KHDRBS3: variants seen among roughly 807,000 people sequenced by gnomAD.
KHDRBS3 encodes KH RNA binding domain containing, signal transduction associated 3.
KHDRBS3 carries 23 observed loss-of-function variants against 45.6 expected under a neutral mutation model. That is an observed-to-expected ratio of 0.50 (90% CI 0.36 to 0.72). The LOEUF (loss-of-function observed/expected upper bound fraction) is 0.72. KHDRBS3 is among the 30% of genes least tolerant of loss of function. KHDRBS3 has a pLI of 0.00. For synonymous variants in KHDRBS3, 162 were observed against 156.5 expected (o/e 1.04, Z -0.26); for missense variants, 352 against 424.8 (o/e 0.83, Z 1.51).
chr8:135,524,081 C>A (rs910899334), intron 2 of KHDRBS3, among the ~76,000 whole-genome samples: 1 of 151,948 alleles, frequency 6.6e-6, no homozygotes, highest in African/African-American at 2.4e-5. Flanking sequence ...AGTCACGCGA[C>A]CTTGACTCAC....
chr8:135,569,954 A>C (rs1209711056), intron 5 of KHDRBS3, among the ~76,000 whole-genome samples: 1 of 151,998 alleles, frequency 6.6e-6, no homozygotes, highest in African/African-American at 2.4e-5. Flanking sequence ...AAAACAAAAA[A>C]CAAAACCTCT....
intron 1 of KHDRBS3, among the ~76,000 whole-genome samples, chr8:135,485,404 A>G (rs1346681137): frequency 6.6e-6 from 1 of 152,180 alleles, no homozygotes; most frequent in Admixed American, 6.5e-5. Context: ...TCTACACGGT[A>G]GAGAAGGACA....
At chr8:135,484,608 G>C (rs1167519166) in intron 1 of KHDRBS3, among the ~76,000 whole-genome samples, 2 of 152,184 alleles carry the variant, frequency 1.3e-5, no homozygotes, top group African/African-American at 4.8e-5. Context: ...ACTCTCTACT[G>C]CAAAGTGAAC....
At chr8:135,608,209 T>C (rs1829553348) in intron 7 of KHDRBS3, among the ~76,000 whole-genome samples, 1 of 152,174 alleles carries the variant, frequency 6.6e-6, no homozygotes, top group Non-Finnish European at 1.5e-5. Flanking sequence ...TTGCCAGAAA[T>C]TGCACAGAAA....
intron 7 of KHDRBS3, among the ~76,000 whole-genome samples, chr8:135,627,479 C>T (rs895436159): frequency 6.6e-6 from 1 of 152,166 alleles, no homozygotes; most frequent in African/African-American, 2.4e-5. Context: ...ACCCAATCCC[C>T]AGCCTTATAA....
chr8:135,552,120 TGTTTATCCTATTTG>T (rs1826633357), intron 4 of KHDRBS3, among the ~76,000 whole-genome samples: 2 of 152,214 alleles, frequency 1.3e-5, no homozygotes, highest in Non-Finnish European at 2.9e-5. Context: ...GTGTGATGTA[TGTTTATCCTATTTG>T]TTGGCTAAGC....
At chr8:135,646,597 G>A (rs1194133965) in intron 8 of KHDRBS3, among the ~76,000 whole-genome samples, 1 of 152,064 alleles carries the variant, frequency 6.6e-6, no homozygotes, top group Non-Finnish European at 1.5e-5. Flanking sequence ...TGTTTTTGCT[G>A]TTGGAAGACA....
At chr8:135,486,428 A>G (rs1822868956) in intron 1 of KHDRBS3, among the ~76,000 whole-genome samples, 1 of 152,238 alleles carries the variant, frequency 6.6e-6, no homozygotes, top group East Asian at 1.9e-4. Context: ...CAGTTCTTGG[A>G]TAAAGGGGAG....
intron 7 of KHDRBS3, among the ~76,000 whole-genome samples, chr8:135,632,607 C>T (rs915004624): frequency 2.0e-5 from 3 of 152,058 alleles, no homozygotes; most frequent in African/African-American, 7.2e-5. Flanking sequence ...ACTCTCCCTG[C>T]CCTGAAAGCT....
At chr8:135,608,011 A>G (rs1829542819) in intron 7 of KHDRBS3, among the ~76,000 whole-genome samples, 1 of 152,180 alleles carries the variant, frequency 6.6e-6, no homozygotes, top group African/African-American at 2.4e-5. Flanking sequence ...AAGCCTGTAT[A>G]TCGTGTTTGT....
chr8:135,460,882 G>A (rs1221391148), intron 1 of KHDRBS3, among the ~76,000 whole-genome samples: 2 of 152,152 alleles, frequency 1.3e-5, no homozygotes, highest in Non-Finnish European at 1.5e-5. Context: ...TAAAAATTCA[G>A]TGTTCGTAAA....
At chr8:135,458,848 C>G (rs1821267681) in intron 1 of KHDRBS3, 1 of 455,874 alleles carries the variant, frequency 2.2e-6, no homozygotes, top group East Asian at 6.9e-5. Context: ...CACGCCTACC[C>G]GGGACAGTGT....
intron 1 of KHDRBS3, 159 bp downstream of exon 1, chr8:135,458,113 C>T: frequency 2.2e-6 from 3 of 1,388,528 alleles, no homozygotes; most frequent in Non-Finnish European, 2.8e-6. Context: ...ACCTGGGAGG[C>T]TGTGGGACAC....
At chr8:135,558,771 A>G (rs971104343) in intron 5 of KHDRBS3, among the ~76,000 whole-genome samples, 3 of 83,948 alleles carry the variant, frequency 3.6e-5, no homozygotes, top group Non-Finnish European at 6.6e-5. Flanking sequence ...GTGACAAATT[A>G]CCACAGATTT....
chr8:135,484,605 A>C (rs762695557), intron 1 of KHDRBS3, among the ~76,000 whole-genome samples: 7 of 152,228 alleles, frequency 4.6e-5, no homozygotes, highest in Non-Finnish European at 8.8e-5. Context: ...TTAACTCTCT[A>C]CTGCAAAGTG....
At chr8:135,553,184 G>A (rs1162858031) in intron 4 of KHDRBS3, among the ~76,000 whole-genome samples, 4 of 152,154 alleles carry the variant, frequency 2.6e-5, no homozygotes, top group Non-Finnish European at 5.9e-5. Flanking sequence ...GCAATACTAG[G>A]TGCATCCTTA....
At chr8:135,575,336 G>C (rs1238941268) in intron 5 of KHDRBS3, among the ~76,000 whole-genome samples, 1 of 152,074 alleles carries the variant, frequency 6.6e-6, no homozygotes, top group Non-Finnish European at 1.5e-5. Context: ...TCCTTCCCCA[G>C]CTCCATAGAG....
At chr8:135,569,672 G>A (rs557801413) in intron 5 of KHDRBS3, among the ~76,000 whole-genome samples, 91 of 152,180 alleles carry the variant, frequency 6.0e-4, no homozygotes, top group Non-Finnish European at 9.9e-4. Flanking sequence ...AAGGTGAGCC[G>A]CATGGTCTCT....
chr8:135,516,713 C>A (rs1824627894), intron 1 of KHDRBS3, among the ~76,000 whole-genome samples: 1 of 151,966 alleles, frequency 6.6e-6, no homozygotes, highest in East Asian at 1.9e-4. Context: ...ACTTACCCAG[C>A]TCCTGTTGAT....
Sources: gnomAD v4.1 joint callset for allele counts (sites outside exome capture counted in the v4.1 genomes callset) on GRCh38, gnomAD v4.1.1 for gene constraint, MANE v1.5 for transcripts, NCBI Gene and HGNC (gene_info 2026-07-23, HGNC 2026-07-21) for gene names.